Variants in SLC14A2 observed in about 807,000 individuals in gnomAD.
SLC14A2 encodes the protein urea transporter 2.
A neutral mutation model predicts 104.6 loss-of-function variants in SLC14A2; 91 were observed. The ratio of observed to expected loss-of-function variants is 0.87; its 90% CI spans 0.73 to 1.04. SLC14A2 has a LOEUF of 1.04. Ranked by LOEUF, SLC14A2 falls within the 50% of genes least tolerant of loss-of-function variation. The pLI, the probability that SLC14A2 is intolerant of heterozygous loss-of-function variation, is 0.00. For synonymous variants in SLC14A2, 476 were observed against 466.4 expected (o/e 1.02, Z -0.27); for missense variants, 1,189 against 1,156.0 (o/e 1.03, Z -0.41).
intron 1 of SLC14A2, among the ~76,000 whole-genome samples, chr18:45,392,221 C>T (rs192817630): frequency 6.6e-6 from 1 of 152,310 alleles, no homozygotes; most frequent in East Asian, 1.9e-4. Context: ...CCCAGAGAAC[C>T]TCAGGACAGC....
intron 1 of SLC14A2, among the ~76,000 whole-genome samples, chr18:45,479,081 C>A (rs1269045044): frequency 1.3e-5 from 2 of 152,190 alleles, no homozygotes; most frequent in African/African-American, 4.8e-5. Flanking sequence ...TAGGTTGGAA[C>A]TTTACTGCTT....
At chr18:45,664,703 C>T (rs2045985700) in intron 11 of SLC14A2, among the ~76,000 whole-genome samples, 1 of 152,210 alleles carries the variant, frequency 6.6e-6, no homozygotes, top group Non-Finnish European at 1.5e-5. Context: ...CCCCAAGTCT[C>T]ATCATTTCAT....
chr18:45,597,887 G>A (rs1250927090), intron 2 of SLC14A2, among the ~76,000 whole-genome samples: 1 of 152,152 alleles, frequency 6.6e-6, no homozygotes, highest in Non-Finnish European at 1.5e-5. Flanking sequence ...GGCATTAATA[G>A]GAATTGCTGG....
chr18:45,209,354 AC>A (rs2083943018), upstream of SLC14A2, among the ~76,000 whole-genome samples: 1 of 151,476 alleles, frequency 6.6e-6, no homozygotes, highest in African/African-American at 2.4e-5. Context: ...AAACAAAACA[AC>A]AACAACAACA....
intron 1 of SLC14A2, among the ~76,000 whole-genome samples, chr18:45,326,168 A>G (rs549556919): frequency 6.6e-6 from 1 of 152,312 alleles, no homozygotes; most frequent in South Asian, 2.1e-4. Flanking sequence ...TTTGTTTTAA[A>G]CTGTCTTTTT....
intron 1 of SLC14A2, among the ~76,000 whole-genome samples, chr18:45,286,310 G>A (rs1315303590): frequency 6.6e-6 from 1 of 152,156 alleles, no homozygotes; most frequent in East Asian, 1.9e-4. Context: ...CTTGGATTCA[G>A]CAATGTGTCA....
chr18:45,228,986 C>A (rs1035334109), intron 1 of SLC14A2, among the ~76,000 whole-genome samples: 1 of 152,134 alleles, frequency 6.6e-6, no homozygotes, highest in Non-Finnish European at 1.5e-5. Flanking sequence ...TGCCATCTGT[C>A]GCAGAAATCC....
chr18:45,350,915 A>G (rs969137722), intron 1 of SLC14A2, among the ~76,000 whole-genome samples: 1 of 152,224 alleles, frequency 6.6e-6, no homozygotes, highest in East Asian at 1.9e-4. Flanking sequence ...TTTCACACTC[A>G]GTGACCTAGT....
At chr18:45,299,719 C>T (rs1599655127) in intron 1 of SLC14A2, among the ~76,000 whole-genome samples, 2 of 152,312 alleles carry the variant, frequency 1.3e-5, no homozygotes, top group South Asian at 2.1e-4. Flanking sequence ...GCCTTGGCCT[C>T]CCAAAGTGCT....
chr18:45,334,909 C>A (rs2085324295), intron 1 of SLC14A2, among the ~76,000 whole-genome samples: 1 of 152,198 alleles, frequency 6.6e-6, no homozygotes, highest in Non-Finnish European at 1.5e-5. Context: ...CTGTCTCTTC[C>A]ACCTCCCTCT....
At chr18:45,490,719 G>C (rs1568237518) in intron 2 of SLC14A2, among the ~76,000 whole-genome samples, 1 of 152,136 alleles carries the variant, frequency 6.6e-6, no homozygotes, top group East Asian at 1.9e-4. Context: ...ACCTAAAAAG[G>C]GTTAATCTCC....
intron 1 of SLC14A2, among the ~76,000 whole-genome samples, chr18:45,449,572 GACCTC>G (rs1248429896): frequency 6.6e-6 from 1 of 152,110 alleles, no homozygotes; most frequent in African/African-American, 2.4e-5. Context: ...GGGAAAATCA[GACCTC>G]ACCCAGTTTT....
chr18:45,615,001 T>C (rs2045037328), upstream of SLC14A2: 1 of 152,150 alleles, frequency 6.6e-6, no homozygotes, highest in African/African-American at 2.4e-5. Context: ...TTCACCACAT[T>C]GGCCAGGCTG....
the SLC14A2 span, among the ~76,000 whole-genome samples, chr18:45,175,095 C>T: frequency 6.6e-6 from 1 of 152,134 alleles, no homozygotes; most frequent in Non-Finnish European, 1.5e-5. Context: ...TGCAAATACC[C>T]TTTGACCTGT....
At chr18:45,474,487 G>A (rs1403911786) in intron 1 of SLC14A2, among the ~76,000 whole-genome samples, 3 of 152,170 alleles carry the variant, frequency 2.0e-5, no homozygotes, top group Non-Finnish European at 2.9e-5. Context: ...GTATAATTTA[G>A]CTGTGAATCC....
rs1568113558 is a variant in SLC14A2 at position 45,235,839 on chromosome 18, ATATATATGTATATATACATATATGTGTG to A, written c.-125+22680_-125+22707del. 1.9e-4 allele frequency among the ~76,000 whole-genome samples: 17 copies of A among 88,160 alleles called. 1 individual carries two copies. The highest frequency in any genetic ancestry group is 9.0e-4 in the South Asian group (3 of 3,320). 57.8% of individuals were successfully genotyped at this position (88,160 alleles called of 152,430 possible). A position where few individuals can be genotyped will look rare whatever the true frequency, so the allele number is the denominator to read the frequency against. ...TATATATATATATATATACGTGTAT[ATATATATGTATATATACATATATGTGTG>A]TATATATGTATATATACATATATGT... On this transcript the variant is annotated intron_variant, in intron 1 of 20. Coordinates refer to the SLC14A2 transcript ENST00000586448.
chr18:45,512,172 G>C (rs1422835861), intron 2 of SLC14A2, among the ~76,000 whole-genome samples: 1 of 152,174 alleles, frequency 6.6e-6, no homozygotes, highest in African/African-American at 2.4e-5. Flanking sequence ...AAATGCTTGG[G>C]AACTATATAC....
chr18:45,520,425 C>T (rs767688924), intron 2 of SLC14A2, among the ~76,000 whole-genome samples: 1 of 152,154 alleles, frequency 6.6e-6, no homozygotes. Context: ...ACACCCTTAC[C>T]TTATGTCCCC....
intron 1 of SLC14A2, among the ~76,000 whole-genome samples, chr18:45,239,293 T>C (rs2084287409): frequency 6.6e-6 from 1 of 152,210 alleles, no homozygotes. Context: ...TGTCCACTGT[T>C]GGAACAGAGA....
Sources: gnomAD v4.1 joint callset for allele counts (sites outside exome capture counted in the v4.1 genomes callset) on GRCh38, gnomAD v4.1.1 for gene constraint, MANE v1.5 for transcripts, NCBI Gene and HGNC (gene_info 2026-07-23, HGNC 2026-07-21) for gene names.